PTPRT: variants seen among roughly 807,000 people sequenced by gnomAD.
PTPRT encodes the protein receptor-type tyrosine-protein phosphatase T.
In PTPRT, 56 loss-of-function variants were observed where a neutral mutation model predicts 176.8. The observed-to-expected ratio is 0.32, with a 90% confidence interval of 0.26 to 0.40. The LOEUF is 0.40. Among genes scored for constraint, PTPRT ranks in the 10% least tolerant of loss-of-function variants. The pLI is 1.00. For missense variants in PTPRT, 1,540 were observed against 1,908.2 expected (o/e 0.81, Z 3.60); for synonymous variants, 783 against 739.0 (o/e 1.06, Z -0.96).
chr20:42,181,825 A>G (rs566089532), intron 16 of PTPRT, among the ~76,000 whole-genome samples: 3 of 152,194 alleles, frequency 2.0e-5, no homozygotes, highest in Admixed American at 6.5e-5. Context: ...TAGCCAAAAA[A>G]TTATTAAATG....
At chr20:42,335,450 T>C (rs1005080764) in intron 11 of PTPRT, among the ~76,000 whole-genome samples, 3 of 151,906 alleles carry the variant, frequency 2.0e-5, no homozygotes, top group African/African-American at 4.8e-5. Flanking sequence ...AAAAAATGAC[T>C]CTAGAAGAAA....
intron 1 of PTPRT, among the ~76,000 whole-genome samples, chr20:42,960,092 C>T (rs1981902423): frequency 6.6e-6 from 1 of 152,080 alleles, no homozygotes; most frequent in African/African-American, 2.4e-5. Flanking sequence ...CTCTGACCAC[C>T]CAACCTATTT....
intron 7 of PTPRT, among the ~76,000 whole-genome samples, chr20:42,566,582 A>AGGCACATT (rs2073043963): frequency 6.6e-6 from 1 of 152,194 alleles, no homozygotes; most frequent in Admixed American, 6.5e-5. Flanking sequence ...GTGTTCCTCC[A>AGGCACATT]GGCACATTCT....
chr20:42,733,952 A>G lies in PTPRT; in HGVS notation c.859+22510T>C, dbSNP rs142290054. On this transcript the variant is annotated intron_variant, in intron 6 of 30. Transcript: ENST00000373187. Reference sequence around the variant, plus strand: ...AATGGGTGTTGCATGAGGAGGTCCTATGGTCAGCTCAGGCAAAGGCCCAGG... The same window carrying G: ...AATGGGTGTTGCATGAGGAGGTCCTGTGGTCAGCTCAGGCAAAGGCCCAGG... 6.6e-5 allele frequency among the ~76,000 whole-genome samples: 10 copies of G among 152,292 alleles called. No individual in the cohort carries two copies. The East Asian group carries it at 1.9e-3, about 30-fold the overall frequency.
chr20:42,378,710 T>C (rs2058672071), intron 9 of PTPRT, among the ~76,000 whole-genome samples: 1 of 152,348 alleles, frequency 6.6e-6, no homozygotes, highest in East Asian at 1.9e-4. Flanking sequence ...TGCCTATATT[T>C]GAATATTGAT....
chr20:43,015,893 A>AT (rs1432134844), intron 1 of PTPRT, among the ~76,000 whole-genome samples: 1 of 151,684 alleles, frequency 6.6e-6, no homozygotes, highest in African/African-American at 2.4e-5. Context: ...CTGCAGGATT[A>AT]TGCCCCAATC....
At chr20:42,710,447 G>C (rs2076127544) in intron 6 of PTPRT, among the ~76,000 whole-genome samples, 1 of 152,204 alleles carries the variant, frequency 6.6e-6, no homozygotes, top group Admixed American at 6.5e-5. Flanking sequence ...GTGGCTCAAA[G>C]GGCCCCAGAT....
intron 1 of PTPRT, among the ~76,000 whole-genome samples, chr20:43,121,679 G>A (rs752939651): frequency 6.6e-6 from 1 of 152,042 alleles, no homozygotes; most frequent in Non-Finnish European, 1.5e-5. Flanking sequence ...GACAATTCTT[G>A]ATTTATTCAT....
chr20:42,775,330 A>G (rs1016474898), intron 4 of PTPRT, among the ~76,000 whole-genome samples: 3 of 152,252 alleles, frequency 2.0e-5, no homozygotes, highest in Non-Finnish European at 4.4e-5. Flanking sequence ...GAGAAAGCCC[A>G]GTACGCACAT....
intron 22 of PTPRT, among the ~76,000 whole-genome samples, chr20:42,112,881 G>C (rs929406692): frequency 6.6e-6 from 1 of 152,216 alleles, no homozygotes; most frequent in Non-Finnish European, 1.5e-5. Context: ...AGTGAGAGAG[G>C]AGAAAGCTTC....
intron 17 of PTPRT, among the ~76,000 whole-genome samples, chr20:42,147,962 AG>A (rs1988945906): frequency 6.6e-6 from 1 of 152,076 alleles, no homozygotes; most frequent in Non-Finnish European, 1.5e-5. Flanking sequence ...AAAAAATATG[AG>A]GGGGAAAAGT....
intron 1 of PTPRT, among the ~76,000 whole-genome samples, chr20:42,931,830 AG>A (rs1276241427): frequency 3.9e-5 from 6 of 152,190 alleles, no homozygotes; most frequent in African/African-American, 1.4e-4. Flanking sequence ...AGCAGTGGGG[AG>A]GTAGGTGCCA....
intron 6 of PTPRT, among the ~76,000 whole-genome samples, chr20:42,683,644 C>T (rs1375562372): frequency 1.3e-5 from 2 of 152,308 alleles, no homozygotes; most frequent in African/African-American, 4.8e-5. Flanking sequence ...GACTTACTTT[C>T]GTGTAGCACA....
intron 12 of PTPRT, among the ~76,000 whole-genome samples, chr20:42,290,588 T>G (rs1002358613): frequency 1.3e-5 from 2 of 152,120 alleles, no homozygotes; most frequent in East Asian, 3.9e-4. Context: ...CTCCTTTACT[T>G]TCAGTACTCA....
intron 7 of PTPRT, among the ~76,000 whole-genome samples, chr20:42,495,099 T>C (rs955106961): frequency 6.6e-6 from 1 of 152,140 alleles, no homozygotes; most frequent in Non-Finnish European, 1.5e-5. Flanking sequence ...GTTAGACTCA[T>C]AAATTTCCAG....
chr20:42,176,183 C>T (rs1049094867), intron 16 of PTPRT, among the ~76,000 whole-genome samples: 1 of 152,120 alleles, frequency 6.6e-6, no homozygotes. Flanking sequence ...TTGTTAGGTA[C>T]ACCTTGCTCT....
At chr20:42,280,824 T>G (rs550721557) in intron 13 of PTPRT, among the ~76,000 whole-genome samples, 2 of 152,188 alleles carry the variant, frequency 1.3e-5, no homozygotes, top group South Asian at 4.1e-4. Context: ...ATTCTTCCAC[T>G]GTCCCCATAT....
At chr20:42,081,705 T>C (rs909166044) in intron 30 of PTPRT, among the ~76,000 whole-genome samples, 177 bp downstream of exon 30, 2 of 152,090 alleles carry the variant, frequency 1.3e-5, no homozygotes, top group African/African-American at 4.8e-5. Context: ...GAAAGAAAAG[T>C]TGGGGAGGTT....
intron 7 of PTPRT, among the ~76,000 whole-genome samples, chr20:42,675,073 G>A (rs538895843): frequency 6.6e-6 from 1 of 152,054 alleles, no homozygotes; most frequent in Non-Finnish European, 1.5e-5. Flanking sequence ...CCCCTACCTG[G>A]CCCGTCAGCT....
Sources: gnomAD v4.1 joint callset for allele counts (sites outside exome capture counted in the v4.1 genomes callset) on GRCh38, gnomAD v4.1.1 for gene constraint, MANE v1.5 for transcripts, NCBI Gene and HGNC (gene_info 2026-07-23, HGNC 2026-07-21) for gene names.